ANKRD31: variants seen among roughly 807,000 people sequenced by gnomAD.
ANKRD31 encodes ankyrin repeat domain-containing protein 31.
A neutral mutation model predicts 186.0 loss-of-function variants in ANKRD31; 147 were observed. The ratio of observed to expected loss-of-function variants is 0.79; its 90% CI spans 0.69 to 0.91. The LOEUF (loss-of-function observed/expected upper bound fraction) is 0.91, where lower values mean the gene tolerates loss of function less well. Among genes scored for constraint, ANKRD31 ranks in the 40% least tolerant of loss-of-function variants. The pLI, the probability that ANKRD31 is intolerant of heterozygous loss-of-function variation, is 0.00. For synonymous variants in ANKRD31, 673 were observed against 736.4 expected (o/e 0.91, Z 1.39); for missense variants, 1,986 against 2,148.8 (o/e 0.92, Z 1.50).
At chr5:75,150,856 C>T (rs1751792756) in intron 12 of ANKRD31, among the ~76,000 whole-genome samples, 1 of 151,886 alleles carries the variant, frequency 6.6e-6, no homozygotes, top group South Asian at 2.1e-4. Flanking sequence ...TGCAATTTTC[C>T]ATATAGTTTA....
At chr5:75,208,011 C>T (rs1756365704) in intron 4 of ANKRD31, among the ~76,000 whole-genome samples, 1 of 151,986 alleles carries the variant, frequency 6.6e-6, no homozygotes, top group East Asian at 1.9e-4. Context: ...TTTTAAATGA[C>T]AGCAATAATC....
rs549949152 is a variant in ANKRD31, at chr5:75,192,789, C to T, written c.1299-13G>A. ...CGGATCCTGCATTCTTGAAAAACAA[C>T]GTATTTTTTAAATGGCTATAACGGT... On this transcript the variant is annotated splice_polypyrimidine_tract_variant and intron_variant, in intron 8 of 25. Transcript: ENST00000506364. The T allele has an allele frequency of 1.8e-4, 272 of 1,508,512 alleles. 2 individuals are homozygous for T. The African/African-American group carries it at 2.3e-3, about 13-fold the overall frequency. 93.4% of individuals were successfully genotyped at this position (1,508,512 alleles called of 1,614,324 possible). A position where few individuals can be genotyped will look rare whatever the true frequency, so the allele number is the denominator to read the frequency against.
rs893021559 is a variant in ANKRD31, at chr5:75,147,232, C to A, written c.2179G>T (p.Gly727Cys). The stretch of plus-strand genomic sequence containing the variant: ...TGTTGTGTTTTTCTTCTTCCTATAC[C>A]TTTTGGTACGTTTGTGTTGGGATCT... Reference protein sequence around the residue: ...VKDPNTNVPKGIGRRKTQHKR... With the variant: ...VKDPNTNVPKCIGRRKTQHKR... Residue 727 changes from glycine to cysteine, a missense_variant, in exon 14 of 26, where the codon GGT (glycine) becomes TGT (cysteine). Physicochemically the swap from Gly to Cys is radical, Grantham distance 159 (BLOSUM62 -3). Coordinates refer to ENST00000506364, the MANE Select transcript of ANKRD31 (RefSeq NM_001372053.1). 1.6e-5 allele frequency: 25 copies of A among 1,536,164 alleles called. No individual in the cohort carries two copies. Among genetic ancestry groups the A allele is most frequent in the Admixed American group, 3.9e-5 (2 of 50,916 alleles).
chr5:75,158,742 T>C (rs1189756932), intron 11 of ANKRD31, among the ~76,000 whole-genome samples: 2 of 152,112 alleles, frequency 1.3e-5, no homozygotes, highest in African/African-American at 4.8e-5. Context: ...CAGTGAGCTA[T>C]GATCACATCA....
chr5:75,100,039 T>C (rs1219183556), intron 22 of ANKRD31, among the ~76,000 whole-genome samples: 7 of 152,204 alleles, frequency 4.6e-5, no homozygotes, highest in Non-Finnish European at 1.0e-4. Flanking sequence ...AGGTCTTTCC[T>C]GCTTTCTCTT....
chr5:75,207,717 A>G (rs1756348291), intron 4 of ANKRD31, among the ~76,000 whole-genome samples: 1 of 152,130 alleles, frequency 6.6e-6, no homozygotes, highest in Non-Finnish European at 1.5e-5. Flanking sequence ...AAAAATATAA[A>G]TAAAGCCTAA....
intron 25 of ANKRD31, among the ~76,000 whole-genome samples, chr5:75,076,533 A>G (rs1744666414): frequency 6.6e-6 from 1 of 152,238 alleles, no homozygotes; most frequent in Non-Finnish European, 1.5e-5. Context: ...TCACCAACCC[A>G]GAAGTTCTCT....
chr5:75,150,440 C>T (rs1007217300), intron 12 of ANKRD31, among the ~76,000 whole-genome samples: 13 of 151,684 alleles, frequency 8.6e-5, no homozygotes, highest in Admixed American at 3.3e-4. Context: ...ATATTCTTTA[C>T]TTAAGTAACC....
At chr5:75,198,814 C>T (rs1191579565) in intron 6 of ANKRD31, among the ~76,000 whole-genome samples, 4 of 152,294 alleles carry the variant, frequency 2.6e-5, no homozygotes, top group South Asian at 2.1e-4. Flanking sequence ...CATCATTGCT[C>T]GGTCCTCACA....
intron 25 of ANKRD31, among the ~76,000 whole-genome samples, chr5:75,074,943 T>C (rs6879223): frequency 0.061 from 9,303 of 152,286 alleles, 683 homozygotes; most frequent in African/African-American, 0.17. Context: ...TCCATGTCTA[T>C]ATATTTCTAC....
intron 11 of ANKRD31, among the ~76,000 whole-genome samples, chr5:75,161,057 TG>T (rs1192288805): frequency 6.6e-6 from 1 of 151,842 alleles, no homozygotes; most frequent in Non-Finnish European, 1.5e-5. Flanking sequence ...ACCAGTAGAG[TG>T]GGGTGCTGCT....
intron 23 of ANKRD31, among the ~76,000 whole-genome samples, chr5:75,085,018 G>T (rs1157409138): frequency 1.3e-5 from 2 of 152,040 alleles, no homozygotes; most frequent in Non-Finnish European, 2.9e-5. Context: ...AGGGTCTTTG[G>T]GTTCTTTACT....
chr5:75,217,613 T>A (rs1405900630), intron 3 of ANKRD31, among the ~76,000 whole-genome samples: 3 of 152,190 alleles, frequency 2.0e-5, no homozygotes, highest in Admixed American at 1.3e-4. Context: ...GCTTGGTGGA[T>A]TTTTCTCCAA....
At chr5:75,111,581 AG>A (rs1474460815) in intron 20 of ANKRD31, among the ~76,000 whole-genome samples, 1 of 152,156 alleles carries the variant, frequency 6.6e-6, no homozygotes, top group Non-Finnish European at 1.5e-5. Context: ...GCTATACAAA[AG>A]GTTGATGAGG....
intron 10 of ANKRD31, among the ~76,000 whole-genome samples, chr5:75,175,979 C>T (rs1161558617): frequency 6.6e-6 from 1 of 152,130 alleles, no homozygotes; most frequent in Non-Finnish European, 1.5e-5. Context: ...AATTCCATTT[C>T]CTAGTCAAAG....
At position 75,068,684 on chromosome 5, in the gene ANKRD31, C is replaced by A; in HGVS notation, c.5648-20G>T. 2 of 1,461,808 alleles carry A rather than the reference C, an allele frequency of 1.4e-6. No individual in the cohort carries two copies. Among genetic ancestry groups the A allele is most frequent in the Non-Finnish European group, 9.0e-7 (1 of 1,113,036 alleles). 90.6% of individuals were successfully genotyped at this position (1,461,808 alleles called of 1,614,324 possible). A position where few individuals can be genotyped will look rare whatever the true frequency, so the allele number is the denominator to read the frequency against. On this transcript the variant is annotated intron_variant, in intron 25 of 25. Transcript: ENST00000506364. Reference sequence around the variant, plus strand: ...AAGTTCCTGTTTAAAGAAGTATCAACAAATTAAAAACTGCCCTCTGAAATT... The same window carrying A: ...AAGTTCCTGTTTAAAGAAGTATCAAAAAATTAAAAACTGCCCTCTGAAATT...
intron 17 of ANKRD31, among the ~76,000 whole-genome samples, chr5:75,121,676 T>A (rs1013537034): frequency 6.6e-6 from 1 of 151,982 alleles, no homozygotes; most frequent in Admixed American, 6.6e-5. Context: ...ACTATACAAA[T>A]ACATGAAATT....
chr5:75,185,110 C>T lies in ANKRD31; in HGVS notation c.1564+3383G>A, dbSNP rs1456178190. Among the ~76,000 whole-genome samples, 3 of 152,112 alleles carry T rather than the reference C, an allele frequency of 2.0e-5. No homozygotes were observed. In the East Asian group the frequency reaches 5.8e-4, roughly 29 times the overall value. On this transcript the variant is annotated intron_variant, in intron 10 of 25. Coordinates refer to ENST00000506364, the MANE Select transcript of ANKRD31 (RefSeq NM_001372053.1). ...CATGTTAAGTGAAATAAGATATGCA[C>T]AGGAAGACACATACTGCATGTTCTT... is the stretch of plus-strand genomic sequence containing the variant.
chr5:75,110,668 C>T (rs1396195281), intron 20 of ANKRD31, among the ~76,000 whole-genome samples: 2 of 149,616 alleles, frequency 1.3e-5, no homozygotes, highest in African/African-American at 2.5e-5. Flanking sequence ...GAGATCACAC[C>T]ACTGCACTCC....
Sources: gnomAD v4.1 joint callset for allele counts (sites outside exome capture counted in the v4.1 genomes callset) on GRCh38, gnomAD v4.1.1 for gene constraint, MANE v1.5 for transcripts, NCBI Gene and HGNC (gene_info 2026-07-23, HGNC 2026-07-21) for gene names.